Variants in ZSCAN5A observed in about 807,000 individuals in gnomAD.
ZSCAN5A encodes the protein zinc finger and SCAN domain containing 5A, also known as zinc finger and SCAN domain-containing protein 5A.
Under a neutral mutation model 23.7 loss-of-function variants are expected in ZSCAN5A, and 12 were observed. That is an observed-to-expected ratio of 0.51 (90% CI 0.32 to 0.82). The LOEUF is 0.82. Among genes scored for constraint, ZSCAN5A ranks in the 40% least tolerant of loss-of-function variants. The probability of loss-of-function intolerance (pLI) is 0.03; values close to 1 mark genes in which losing one functional copy is unlikely to be tolerated. For synonymous variants in ZSCAN5A, 257 were observed against 239.9 expected, an observed-to-expected ratio of 1.07 and a Z score of -0.66; for missense variants, 597 against 617.9, an observed-to-expected ratio of 0.97 and a Z score of 0.36.
chr19:56,346,607 G>C (rs1202872817), intron 2 of ZSCAN5A, among the ~76,000 whole-genome samples: 1 of 152,038 alleles, frequency 6.6e-6, no homozygotes, highest in African/African-American at 2.4e-5. Flanking sequence ...GGAATTTTGG[G>C]TCCTAATGGT....
intron 2 of ZSCAN5A, among the ~76,000 whole-genome samples, chr19:56,227,130 T>C (rs998911848): frequency 6.6e-6 from 1 of 152,128 alleles, no homozygotes; most frequent in African/African-American, 2.4e-5. Flanking sequence ...TAACAATGTA[T>C]TGTATACTTG....
intron 2 of ZSCAN5A, among the ~76,000 whole-genome samples, chr19:56,245,708 T>A (rs114010443): frequency 2.4e-4 from 36 of 150,554 alleles, no homozygotes; most frequent in Middle Eastern, 3.5e-3. Context: ...TGAAGGTCCC[T>A]TCCCCATTCA....
Position 56,352,289 on chromosome 19 carries a change from C to T in ZSCAN5A, c.-358+10946G>A, listed in dbSNP as rs541246343. On this transcript the variant is annotated intron_variant, in intron 2 of 6. Coordinates refer to the ZSCAN5A transcript ENST00000587340. This position sits in a 1 kb window ranked among gnomAD's most constrained non-coding sequence, Gnocchi z 4.2. ...TTAACAAAGCTTCTACTCAGAGAGACGGATTAAACCAGACAATTAAACATA... is the reference window on the plus strand; with the variant it reads ...TTAACAAAGCTTCTACTCAGAGAGATGGATTAAACCAGACAATTAAACATA... Among the ~76,000 whole-genome samples the T allele has an allele frequency of 1.7e-3, 252 of 152,152 alleles. 2 individuals carry two copies. Among genetic ancestry groups the T allele is most frequent in the Admixed American group, 3.5e-3 (53 of 15,266 alleles).
chr19:56,290,520 G>A (rs767782387), intron 2 of ZSCAN5A, among the ~76,000 whole-genome samples: 3 of 152,114 alleles, frequency 2.0e-5, no homozygotes, highest in Non-Finnish European at 4.4e-5. Context: ...AAAGAAGGAG[G>A]ATGTCTGTGA....
intron 2 of ZSCAN5A, among the ~76,000 whole-genome samples, chr19:56,362,021 G>A (rs1181983901): frequency 6.6e-6 from 1 of 151,796 alleles, no homozygotes; most frequent in Non-Finnish European, 1.5e-5. Context: ...AGCTGGGCGG[G>A]GTGGCGGGCA....
At chr19:56,228,521 G>A in intron 2 of ZSCAN5A, 2 of 898,962 alleles carry the variant, frequency 2.2e-6, no homozygotes, top group Non-Finnish European at 2.7e-6. Context: ...TTGTCATACT[G>A]CTGAAGTATT....
At chr19:56,360,834 C>A (rs2041729612) in intron 2 of ZSCAN5A, among the ~76,000 whole-genome samples, 1 of 152,086 alleles carries the variant, frequency 6.6e-6, no homozygotes. Flanking sequence ...CAAAAATTGA[C>A]AACTAAGATC....
chr19:56,266,492 A>AC (rs1555800308), intron 2 of ZSCAN5A: 62,509 of 91,486 alleles, frequency 0.68, 21,393 homozygotes, highest in Admixed American at 0.76. Flanking sequence ...AGATGCCCCC[A>AC]CTTTTTTTTT....
At chr19:56,256,446 A>T (rs2036697741) in intron 2 of ZSCAN5A, among the ~76,000 whole-genome samples, 1 of 152,240 alleles carries the variant, frequency 6.6e-6, no homozygotes, top group South Asian at 2.1e-4. Flanking sequence ...CTCCCACCTT[A>T]GCCTCCCAAC....
At chr19:56,272,809 C>T (rs1409578627) in intron 2 of ZSCAN5A, 11 of 944,560 alleles carry the variant, frequency 1.2e-5, no homozygotes, top group African/African-American at 1.8e-5. Flanking sequence ...AGGAGGAGAA[C>T]ATTCAGCCCA....
chr19:56,327,728 C>G (rs920088843), intron 2 of ZSCAN5A, among the ~76,000 whole-genome samples: 1 of 151,120 alleles, frequency 6.6e-6, no homozygotes, highest in Middle Eastern at 3.2e-3. Flanking sequence ...TGTATATATT[C>G]AATTTTACAC....
intron 2 of ZSCAN5A, among the ~76,000 whole-genome samples, chr19:56,356,092 T>C (rs1315124283): frequency 6.7e-6 from 1 of 148,322 alleles, no homozygotes; most frequent in African/African-American, 2.5e-5. Context: ...TACCACATTG[T>C]CCCAGAAGGT....
intron 2 of ZSCAN5A, among the ~76,000 whole-genome samples, chr19:56,354,195 A>G (rs535416012): frequency 6.6e-6 from 1 of 152,348 alleles, no homozygotes; most frequent in South Asian, 2.1e-4. Flanking sequence ...CAAAGAGAAA[A>G]ACATTCTGGA....
intron 2 of ZSCAN5A, among the ~76,000 whole-genome samples, chr19:56,346,645 A>T (rs1036309120): frequency 6.6e-6 from 1 of 152,174 alleles, no homozygotes; most frequent in Non-Finnish European, 1.5e-5. Context: ...GGATAAGCGG[A>T]AGATAAAGCA....
chr19:56,324,628 C>CT (rs1422869740), intron 2 of ZSCAN5A, among the ~76,000 whole-genome samples: 1 of 134,306 alleles, frequency 7.4e-6, no homozygotes, highest in Non-Finnish European at 1.5e-5. Flanking sequence ...ATTCCCACTG[C>CT]TGTGTACATG....
chr19:56,343,951 A>C (rs1193215286), intron 2 of ZSCAN5A, among the ~76,000 whole-genome samples: 1 of 152,228 alleles, frequency 6.6e-6, no homozygotes, highest in Non-Finnish European at 1.5e-5. Flanking sequence ...TTTAGATTTT[A>C]AATTATGACA....
chr19:56,222,478 G>A (rs984521601), intron 5 of ZSCAN5A, 113 bp downstream of exon 5: 25 of 1,550,490 alleles, frequency 1.6e-5, no homozygotes, highest in Non-Finnish European at 1.9e-5. Flanking sequence ...AGAGGATGGG[G>A]AGGCTTTGAC....
chr19:56,265,185 T>G (rs919860105), intron 2 of ZSCAN5A, among the ~76,000 whole-genome samples: 1 of 151,708 alleles, frequency 6.6e-6, no homozygotes, highest in African/African-American at 2.4e-5. Flanking sequence ...ATGGAAGGAT[T>G]TGGAGTAGGG....
intron 2 of ZSCAN5A, among the ~76,000 whole-genome samples, chr19:56,279,030 C>T (rs1395653542): frequency 6.6e-6 from 1 of 152,158 alleles, no homozygotes; most frequent in Non-Finnish European, 1.5e-5. Context: ...TGGGGCAGCC[C>T]AAACATTCTA....
Sources: gnomAD v4.1 joint callset for allele counts (sites outside exome capture counted in the v4.1 genomes callset) on GRCh38, gnomAD v4.1.1 for gene constraint, Gnocchi (gnomAD v3.1) non-coding constraint, MANE v1.5 for transcripts, NCBI Gene and HGNC (gene_info 2026-07-23, HGNC 2026-07-21) for gene names.